Variants in SGMS1 observed in about 807,000 individuals in gnomAD.
SGMS1 encodes sphingomyelin synthase 1.
A neutral mutation model predicts 46.2 loss-of-function variants in SGMS1; 13 were observed. That is an observed-to-expected ratio of 0.28 (90% CI 0.18 to 0.45). The LOEUF (loss-of-function observed/expected upper bound fraction) is 0.45, where lower values mean the gene tolerates loss of function less well. Ranked by LOEUF, SGMS1 falls within the 20% of genes least tolerant of loss-of-function variation. The probability of loss-of-function intolerance (pLI) is 1.00; values close to 1 mark genes in which losing one functional copy is unlikely to be tolerated. For synonymous variants in SGMS1, 203 were observed against 187.8 expected (o/e 1.08, Z -0.66); for missense variants, 324 against 519.9 (o/e 0.62, Z 3.66).
chr10:50,575,604 C>A (rs1708762222), intron 2 of SGMS1, among the ~76,000 whole-genome samples: 1 of 151,924 alleles, frequency 6.6e-6, no homozygotes, highest in Non-Finnish European at 1.5e-5. Flanking sequence ...ACCCCCGTCA[C>A]CCTCCTCCCC....
rs1205795599 is a variant in SGMS1, at chr10:50,311,428, A to C, written c.742-13T>G. ...AGTCTCCGAAAAGCTGGCAGAAAAA[A>C]AGAAAAGAAGAAAAAGAAGATTCAT... On this transcript the variant is annotated splice_polypyrimidine_tract_variant and intron_variant, in intron 8 of 10. Transcript: ENST00000361781. The C allele has an allele frequency of 6.2e-7, 1 of 1,610,644 alleles. No individual in the cohort carries two copies. The highest frequency in any genetic ancestry group is 8.5e-7 in the Non-Finnish European group (1 of 1,178,722).
chr10:50,316,359 C>T (rs1037611051), intron 8 of SGMS1, among the ~76,000 whole-genome samples: 1 of 152,206 alleles, frequency 6.6e-6, no homozygotes, highest in African/African-American at 2.4e-5. Context: ...CCAGGAAAGT[C>T]AGCAAGGCAG....
At chr10:50,357,310 T>C (rs1848170512) in intron 6 of SGMS1, among the ~76,000 whole-genome samples, 1 of 152,112 alleles carries the variant, frequency 6.6e-6, no homozygotes, top group South Asian at 2.1e-4. Context: ...AAAGCAATTA[T>C]TCTGGTAATG....
chr10:50,567,446 A>T (rs944092040), intron 2 of SGMS1, among the ~76,000 whole-genome samples: 3 of 152,206 alleles, frequency 2.0e-5, no homozygotes, highest in Non-Finnish European at 2.9e-5. Flanking sequence ...GTTAACACAC[A>T]TGATGTTGGT....
chr10:50,469,420 A>G (rs769176538), intron 3 of SGMS1, among the ~76,000 whole-genome samples: 5 of 152,224 alleles, frequency 3.3e-5, no homozygotes, highest in Admixed American at 6.5e-5. Context: ...GATCTAGCAC[A>G]TGGAATGCAT....
At chr10:50,571,273 C>T (rs1838334317) in intron 2 of SGMS1, among the ~76,000 whole-genome samples, 1 of 152,210 alleles carries the variant, frequency 6.6e-6, no homozygotes, top group Admixed American at 6.5e-5. Context: ...GGCTACTTTG[C>T]TATTGCCCAG....
intron 6 of SGMS1, among the ~76,000 whole-genome samples, chr10:50,432,813 G>A (rs1849421690): frequency 6.6e-6 from 1 of 152,164 alleles, no homozygotes; most frequent in Non-Finnish European, 1.5e-5. Flanking sequence ...GAGAGGTTGA[G>A]TAACTACTAA....
intron 6 of SGMS1, among the ~76,000 whole-genome samples, chr10:50,381,644 A>G (rs566561225): frequency 1.3e-5 from 2 of 152,306 alleles, no homozygotes; most frequent in African/African-American, 2.4e-5. Context: ...TTAAAATGGT[A>G]AGTTTTTGTG....
chr10:50,573,459 A>G lies in SGMS1; in HGVS notation c.-589+16694T>C, dbSNP rs190348463. On this transcript the variant is annotated intron_variant, in intron 2 of 10. Transcript: ENST00000361781. ...ACAGTAGCACCAAATAGAATAAAAT[A>G]CTTAGAAATAAACCTAACCTGGGAG... is the stretch of plus-strand genomic sequence containing the variant. Among the ~76,000 whole-genome samples, 257 of 152,328 alleles carry G rather than the reference A, an allele frequency of 1.7e-3. 2 individuals are homozygous for G. The highest frequency in any genetic ancestry group is 3.0e-3 in the Non-Finnish European group (201 of 68,026).
chr10:50,408,439 AAAAAAAAAAAAAAAAACAAAAT>A (rs1564904936), intron 6 of SGMS1, among the ~76,000 whole-genome samples: 1 of 150,012 alleles, frequency 6.7e-6, no homozygotes, highest in Non-Finnish European at 1.5e-5. Flanking sequence ...CTTAAAAAAA[AAAAAAAAAAAAAAAAACAAAAT>A]AAAAACTTTT....
At chr10:50,523,376 T>C (rs1837872968) in intron 2 of SGMS1, among the ~76,000 whole-genome samples, 1 of 152,236 alleles carries the variant, frequency 6.6e-6, no homozygotes, top group Admixed American at 6.5e-5. Flanking sequence ...CTTACAAATG[T>C]ATGTGCTTAC....
At chr10:50,374,664 C>T (rs1848496244) in intron 6 of SGMS1, among the ~76,000 whole-genome samples, 1 of 152,082 alleles carries the variant, frequency 6.6e-6, no homozygotes, top group Non-Finnish European at 1.5e-5. Flanking sequence ...GTTCCTGCTA[C>T]CTTCCTGACC....
At chr10:50,349,551 T>TC (rs36075516) in intron 6 of SGMS1, among the ~76,000 whole-genome samples, 118,656 of 152,058 alleles carry the variant, frequency 0.78, 46,884 homozygotes, top group East Asian at 0.98. Context: ...CTTGGCTGTG[T>TC]CCCACCCAAA....
chr10:50,414,881 C>T (rs1849147782), intron 6 of SGMS1, among the ~76,000 whole-genome samples: 1 of 152,210 alleles, frequency 6.6e-6, no homozygotes, highest in Non-Finnish European at 1.5e-5. Flanking sequence ...CACTGATCAT[C>T]CCTCTTTGGG....
chr10:50,435,689 T>A (rs918377667), intron 5 of SGMS1, among the ~76,000 whole-genome samples: 2 of 152,178 alleles, frequency 1.3e-5, no homozygotes, highest in Non-Finnish European at 2.9e-5. Flanking sequence ...TGGTGTACAT[T>A]CTAATGCTGG....
intron 7 of SGMS1, among the ~76,000 whole-genome samples, chr10:50,328,409 A>G (rs977041190): frequency 3.9e-5 from 6 of 152,198 alleles, no homozygotes; most frequent in African/African-American, 1.4e-4. Flanking sequence ...AATCATTATA[A>G]TCATACAGTG....
chr10:50,377,131 G>T (rs1480370791), intron 6 of SGMS1, among the ~76,000 whole-genome samples: 1 of 152,126 alleles, frequency 6.6e-6, no homozygotes, highest in Non-Finnish European at 1.5e-5. Context: ...GTTTATTTTG[G>T]TTCATGATTC....
intron 1 of SGMS1, among the ~76,000 whole-genome samples, chr10:50,622,815 G>C (rs1016438693): frequency 6.6e-6 from 1 of 152,258 alleles, no homozygotes; most frequent in African/African-American, 2.4e-5. Flanking sequence ...CCGTTAGCTG[G>C]ACTAGGGCAC....
intron 3 of SGMS1, among the ~76,000 whole-genome samples, chr10:50,510,610 G>GT (rs3054271): frequency 0.12 from 18,625 of 149,050 alleles, 2,820 homozygotes; most frequent in East Asian, 0.37. Context: ...GTATCTCTGT[G>GT]TTTTTTTTTT....
Sources: gnomAD v4.1 joint callset for allele counts (sites outside exome capture counted in the v4.1 genomes callset) on GRCh38, gnomAD v4.1.1 for gene constraint, MANE v1.5 for transcripts, NCBI Gene and HGNC (gene_info 2026-07-23, HGNC 2026-07-21) for gene names.